The following DCDC2 variants were observed in gnomAD, a reference collection of about 807,000 sequenced individuals.
DCDC2 encodes the protein doublecortin domain-containing protein 2.
In DCDC2, 40 loss-of-function variants were observed where a neutral mutation model predicts 50.2. The ratio of observed to expected loss-of-function variants is 0.80; its 90% confidence interval spans 0.62 to 1.04. DCDC2 has a LOEUF of 1.04. DCDC2 is among the 50% of genes least tolerant of loss of function. DCDC2 has a pLI of 0.00. For synonymous variants in DCDC2, 234 were observed against 210.6 expected, an observed-to-expected ratio of 1.11 and a Z score of -0.96; for missense variants, 570 against 581.9, an observed-to-expected ratio of 0.98 and a Z score of 0.21.
In DCDC2 at chr6:24,357,602, T is replaced by A. The variant is rs764085668; in HGVS notation, c.149A>T (p.Glu50Val). ...KVSSFEVFLK[E>V]VTGGVQAPFG... ...GGGTGCCTGAACGCCGCCGGTCACC[T>A]CCTTCAGGAAGACTTCGAAGCTGGA... is the stretch of plus-strand genomic sequence containing the variant. The change falls in exon 1 of 10, where the codon GAG becomes GTG. Residue 50 changes from glutamate to valine, a missense_variant. Transcript: ENST00000378454. The A allele has an allele frequency of 3.1e-6, 5 of 1,613,356 alleles. No homozygotes were observed. The highest frequency in any genetic ancestry group is 4.2e-6 in the Non-Finnish European group (5 of 1,180,046).
intron 2 of DCDC2, among the ~76,000 whole-genome samples, chr6:24,312,116 C>T (rs772511846): frequency 3.3e-5 from 5 of 152,042 alleles, no homozygotes; most frequent in Non-Finnish European, 7.4e-5. Context: ...CCACCGAGCA[C>T]CTTGTGACCC....
At chr6:24,226,441 G>A (rs1762235818) in intron 7 of DCDC2, among the ~76,000 whole-genome samples, 1 of 152,182 alleles carries the variant, frequency 6.6e-6, no homozygotes, top group Non-Finnish European at 1.5e-5. Context: ...TACTATGGCT[G>A]GACCATCCCC....
intron 7 of DCDC2, among the ~76,000 whole-genome samples, chr6:24,276,036 A>AT (rs537232367): frequency 9.3e-5 from 14 of 151,284 alleles, no homozygotes; most frequent in Non-Finnish European, 1.8e-4. Context: ...TGCCCCACTA[A>AT]TTTTTTTTAT....
intron 2 of DCDC2, among the ~76,000 whole-genome samples, chr6:24,335,971 G>A (rs1388534420): frequency 6.6e-6 from 1 of 152,184 alleles, no homozygotes; most frequent in East Asian, 1.9e-4. Flanking sequence ...TGGCCCAGTA[G>A]TCCCACCCAG....
chr6:24,304,068 C>A (rs1041230223), intron 2 of DCDC2, among the ~76,000 whole-genome samples: 6 of 152,208 alleles, frequency 3.9e-5, no homozygotes, highest in African/African-American at 1.4e-4. Context: ...GTTAAAATGT[C>A]ATACTCTAGA....
At chr6:24,229,854 T>C (rs1328122845) in intron 7 of DCDC2, among the ~76,000 whole-genome samples, 3 of 152,010 alleles carry the variant, frequency 2.0e-5, no homozygotes, top group Admixed American at 6.6e-5. Flanking sequence ...ATCTCAGGAG[T>C]GTAGAAGTCA....
intron 8 of DCDC2, among the ~76,000 whole-genome samples, chr6:24,180,510 G>A (rs1012343197): frequency 6.6e-5 from 10 of 151,650 alleles, no homozygotes; most frequent in Admixed American, 2.0e-4. Context: ...GGATGGTCTC[G>A]ATCTCCTGAC....
chr6:24,307,397 C>T (rs1759492541), intron 2 of DCDC2, among the ~76,000 whole-genome samples: 1 of 152,192 alleles, frequency 6.6e-6, no homozygotes, highest in African/African-American at 2.4e-5. Context: ...ATTTTTGTGA[C>T]TGTCCATGAG....
At chr6:24,220,879 A>AGAGAGACAGAGTGAGCGAGC (rs1554146330) in intron 7 of DCDC2, among the ~76,000 whole-genome samples, 20 of 107,026 alleles carry the variant, frequency 1.9e-4, no homozygotes, top group Middle Eastern at 4.4e-3. Flanking sequence ...CAAGAGAGCG[A>AGAGAGACAGAGTGAGCGAGC]GAGCGAGAGA....
At chr6:24,205,319 C>A in intron 7 of DCDC2, 1 of 1,529,704 alleles carries the variant, frequency 6.5e-7, no homozygotes, top group Non-Finnish European at 8.8e-7. Context: ...AAGGCTGACC[C>A]AGCAGGGTAA....
intron 2 of DCDC2, among the ~76,000 whole-genome samples, chr6:24,307,212 C>G (rs907796234): frequency 4.6e-5 from 7 of 152,118 alleles, no homozygotes; most frequent in Non-Finnish European, 1.5e-5. Context: ...AATCTCAGCA[C>G]TCACCACGTC....
chr6:24,346,676 C>T (rs942486041), intron 2 of DCDC2, among the ~76,000 whole-genome samples: 26 of 151,444 alleles, frequency 1.7e-4, no homozygotes, highest in African/African-American at 4.9e-4. Flanking sequence ...ATCGCTTGAA[C>T]GCGGGAGGTA....
chr6:24,178,231 A>T, intron 9 of DCDC2, 99 bp downstream of exon 9: 2 of 1,252,856 alleles, frequency 1.6e-6, no homozygotes, highest in Non-Finnish European at 2.2e-6. Context: ...AAGTGGTTTC[A>T]ATACAAGTCC....
intron 8 of DCDC2, among the ~76,000 whole-genome samples, chr6:24,184,815 T>C (rs1295495919): frequency 6.6e-6 from 1 of 152,172 alleles, no homozygotes; most frequent in African/African-American, 2.4e-5. Context: ...CTAGAAATGG[T>C]TTTGATCCTT....
At chr6:24,235,178 A>G (rs1424183449) in intron 7 of DCDC2, among the ~76,000 whole-genome samples, 1 of 152,212 alleles carries the variant, frequency 6.6e-6, no homozygotes, top group Non-Finnish European at 1.5e-5. Context: ...TTAACAACAT[A>G]TCTTTCAGAT....
intron 7 of DCDC2, among the ~76,000 whole-genome samples, chr6:24,224,814 C>A (rs1160198785): frequency 6.6e-6 from 1 of 152,134 alleles, no homozygotes; most frequent in Non-Finnish European, 1.5e-5. Flanking sequence ...ACTTACCACC[C>A]AGACTATACA....
At chr6:24,331,639 C>T (rs1396915726) in intron 2 of DCDC2, among the ~76,000 whole-genome samples, 3 of 151,988 alleles carry the variant, frequency 2.0e-5, no homozygotes, top group Non-Finnish European at 2.9e-5. Flanking sequence ...TATCTAAATG[C>T]TTTTAAGTAT....
At chr6:24,364,042 T>C in the DCDC2 span, among the ~76,000 whole-genome samples, 7 of 152,126 alleles carry the variant, frequency 4.6e-5, no homozygotes, top group African/African-American at 9.7e-5. Context: ...ACTTGTACCA[T>C]CGCTTCCTTT....
intron 2 of DCDC2, among the ~76,000 whole-genome samples, chr6:24,307,253 C>A (rs920477726): frequency 1.3e-5 from 2 of 152,122 alleles, no homozygotes; most frequent in African/African-American, 4.8e-5. Flanking sequence ...AAAACAAACT[C>A]TGTCTAAAGA....
Sources: allele counts gnomAD v4.1 joint callset (sites outside exome capture counted in the v4.1 genomes callset), GRCh38; gene constraint gnomAD v4.1.1; transcripts MANE v1.5; gene names NCBI Gene and HGNC (gene_info 2026-07-23, HGNC 2026-07-21).